SCARB1: variants seen among roughly 807,000 people sequenced by gnomAD.
The protein encoded by SCARB1 is CD36 and LIMPII analogous 1.
A neutral mutation model predicts 57.2 loss-of-function variants in SCARB1; 30 were observed. That is an observed-to-expected ratio of 0.52 (90% confidence interval 0.39 to 0.71). SCARB1 has a LOEUF of 0.71. Among genes scored for constraint, SCARB1 ranks in the 30% least tolerant of loss-of-function variants. The probability of loss-of-function intolerance (pLI) is 0.00; values close to 1 mark genes in which losing one functional copy is unlikely to be tolerated. For missense variants in SCARB1, 543 were observed against 671.2 expected (o/e 0.81, Z 2.11); for synonymous variants, 249 against 268.3 (o/e 0.93, Z 0.70).
chr12:124,803,309 C>T (rs1020510077), intron 7 of SCARB1, among the ~76,000 whole-genome samples: 1 of 152,120 alleles, frequency 6.6e-6, no homozygotes, highest in Non-Finnish European at 1.5e-5. Context: ...CCAGGCGCAG[C>T]GGTTCATGCC....
chr12:124,859,025 C>G (rs1231172208), intron 1 of SCARB1, among the ~76,000 whole-genome samples: 8 of 152,130 alleles, frequency 5.3e-5, no homozygotes, highest in Admixed American at 5.2e-4. Flanking sequence ...TAGGTGCATG[C>G]CACCATGCAC....
At chr12:124,834,678 T>C (rs1394653582) in intron 1 of SCARB1, among the ~76,000 whole-genome samples, 2 of 152,176 alleles carry the variant, frequency 1.3e-5, no homozygotes, top group Non-Finnish European at 2.9e-5. Flanking sequence ...AAGGCAAAGA[T>C]AGGAGGATCA....
intron 1 of SCARB1, among the ~76,000 whole-genome samples, chr12:124,838,824 G>A (rs975838159): frequency 4.4e-5 from 6 of 136,336 alleles, no homozygotes; most frequent in African/African-American, 1.6e-4. Context: ...CACCCAGGCT[G>A]GAGTGCAGTG....
In SCARB1 at chr12:124,814,891, T is replaced by C. The variant is rs1333967757; in HGVS notation, c.426+82A>G. ...ACGCTCCGACCACCTCAGGGACTGC[T>C]CTCTGCACAAGGGGCAGGCGGGAGG... On this transcript the variant is annotated intron_variant, in intron 3 of 12. Coordinates refer to ENST00000261693, the MANE Select transcript of SCARB1 (RefSeq NM_005505.5). The surrounding 1 kb of genome is among the most constrained non-coding windows in gnomAD (Gnocchi z 4.7). The C allele has an allele frequency of 2.5e-6, 4 of 1,580,770 alleles. No homozygotes were observed. The highest frequency in any genetic ancestry group is 3.5e-6 in the Non-Finnish European group (4 of 1,155,116).
At chr12:124,794,931 AAAAACAAAAC>A (rs775699318) in intron 9 of SCARB1, among the ~76,000 whole-genome samples, 7 of 151,954 alleles carry the variant, frequency 4.6e-5, no homozygotes, top group African/African-American at 1.2e-4. Flanking sequence ...ACTCCATCTC[AAAAACAAAAC>A]AAAACAAAAC....
intron 8 of SCARB1, among the ~76,000 whole-genome samples, chr12:124,797,396 G>A (rs1014466117): frequency 6.6e-5 from 10 of 152,078 alleles, no homozygotes; most frequent in Admixed American, 3.3e-4. Flanking sequence ...ACACACGTTC[G>A]TTTTTCAAGG....
intron 1 of SCARB1, among the ~76,000 whole-genome samples, chr12:124,851,108 A>G (rs185689743): frequency 2.0e-5 from 3 of 152,210 alleles, no homozygotes; most frequent in Non-Finnish European, 4.4e-5. Flanking sequence ...CATTGACTCC[A>G]TAAGTTGTGC....
In SCARB1 at chr12:124,863,596, T is replaced by G. The variant is rs1223218413; in HGVS notation, c.125A>C (p.Lys42Thr). 2 of 1,602,768 alleles carry G rather than the reference T, an allele frequency of 1.2e-6. No homozygotes were observed. Among genetic ancestry groups the G allele is most frequent in the Non-Finnish European group, 1.7e-6 (2 of 1,174,828 alleles). ...CCCCCTGGGGTCTCCCTCACCCACCTTAAGGACCTGCTGCTTGATGAGCGA... is the reference window on the plus strand; with the variant it reads ...CCCCCTGGGGTCTCCCTCACCCACCGTAAGGACCTGCTGCTTGATGAGCGA... ...VPSLIKQQVL[K>T]NVRIDPSSLS... The change falls in exon 1 of 13, where the codon AAG becomes ACG. Residue 42 changes from lysine to threonine, a missense_variant and splice_region_variant. Lys to Thr is a moderately conservative substitution (Grantham distance 78). Coordinates refer to ENST00000261693, the MANE Select transcript of SCARB1 (RefSeq NM_005505.5).
intron 2 of SCARB1, among the ~76,000 whole-genome samples, chr12:124,816,495 G>A (rs1950722552): frequency 6.6e-6 from 1 of 152,212 alleles, no homozygotes; most frequent in South Asian, 2.1e-4. Context: ...ACGGAATGCA[G>A]CAGCTGATTC....
In SCARB1 at chr12:124,810,042, C is replaced by A. The variant is rs1950465609; in HGVS notation, c.842+132G>T. On this transcript the variant is annotated intron_variant, in intron 6 of 12. Transcript: ENST00000261693. The surrounding 1 kb of genome is among the most constrained non-coding windows in gnomAD (Gnocchi z 4.0). ...TTTGGTGGTGTGACCAAAGAGAATTCAAGCTGGTGCCAAGGGCTACTGAGT... is the reference window on the plus strand; with the variant it reads ...TTTGGTGGTGTGACCAAAGAGAATTAAAGCTGGTGCCAAGGGCTACTGAGT... 1.4e-6 allele frequency: 1 copy of A among 692,796 alleles called. No homozygotes were observed. The highest frequency in any genetic ancestry group is 1.8e-5 in the African/African-American group (1 of 56,938). 42.9% of individuals were successfully genotyped at this position (692,796 alleles called of 1,614,324 possible).
chr12:124,782,660 G>A (rs761325037), intron 12 of SCARB1, 23 bp downstream of exon 12: 33 of 1,611,408 alleles, frequency 2.0e-5, no homozygotes, highest in Non-Finnish European at 2.0e-5. Context: ...GCGGGGAGGC[G>A]CACGGCATTA....
At chr12:124,860,033 C>T (rs1285225442) in intron 1 of SCARB1, among the ~76,000 whole-genome samples, 1 of 150,544 alleles carries the variant, frequency 6.6e-6, no homozygotes, top group Admixed American at 6.7e-5. Context: ...TCACTGCAAC[C>T]TCAGCCTTCC....
intron 9 of SCARB1, among the ~76,000 whole-genome samples, chr12:124,791,767 C>T (rs1949737801): frequency 6.6e-6 from 1 of 151,932 alleles, no homozygotes; most frequent in South Asian, 2.1e-4. Flanking sequence ...ACCAGCCTGG[C>T]CAACACAGTG....
At chr12:124,861,894 A>ACACACC (rs60241644) in intron 1 of SCARB1, among the ~76,000 whole-genome samples, 3 of 150,530 alleles carry the variant, frequency 2.0e-5, no homozygotes, top group African/African-American at 7.3e-5. Context: ...ACACACACAC[A>ACACACC]TCCTACTGAC....
At chr12:124,852,750 G>C (rs1313480246) in intron 1 of SCARB1, among the ~76,000 whole-genome samples, 1 of 152,250 alleles carries the variant, frequency 6.6e-6, no homozygotes, top group Non-Finnish European at 1.5e-5. Context: ...TTATAACACA[G>C]ATGGCGCAAG....
At chr12:124,842,299 C>T (rs12425134) in intron 1 of SCARB1, among the ~76,000 whole-genome samples, 2 of 152,186 alleles carry the variant, frequency 1.3e-5, no homozygotes, top group Admixed American at 6.5e-5. Flanking sequence ...AATGGCCTCA[C>T]GCACTGGAGT....
At chr12:124,784,858 G>A in intron 11 of SCARB1, 1 of 152,492 alleles carries the variant, frequency 6.6e-6, no homozygotes, top group Non-Finnish European at 1.5e-5. Context: ...TGTGATCACA[G>A]CTCTCCTGTC....
At chr12:124,855,135 G>A (rs1175228188) in intron 1 of SCARB1, among the ~76,000 whole-genome samples, 2 of 152,180 alleles carry the variant, frequency 1.3e-5, no homozygotes, top group Non-Finnish European at 2.9e-5. Flanking sequence ...CGCCTCAAGG[G>A]TCCTTCTAGA....
rs570316373 is a variant in SCARB1 at position 124,811,525 on chromosome 12, C to T, written c.726+345G>A. ...TGACCTCAGGTGATCCCCCCCACCT[C>T]GGCCTCCCAAAGTGCTGGGATTACA... On this transcript the variant is annotated intron_variant, in intron 5 of 12. Transcript: ENST00000261693. 7.9e-5 allele frequency among the ~76,000 whole-genome samples: 12 copies of T among 152,316 alleles called. No individual in the cohort carries two copies. The South Asian group carries it at 1.7e-3, about 21-fold the overall frequency.
Sources: gnomAD v4.1 joint callset for allele counts (sites outside exome capture counted in the v4.1 genomes callset) on GRCh38, gnomAD v4.1.1 for gene constraint, Gnocchi (gnomAD v3.1) non-coding constraint, MANE v1.5 for transcripts, NCBI Gene and HGNC (gene_info 2026-07-23, HGNC 2026-07-21) for gene names.